The following INF2 variants were observed in gnomAD, a reference collection of about 807,000 sequenced individuals.
The protein encoded by INF2 is inverted formin 2.
In INF2, 43 loss-of-function variants were observed where a neutral mutation model predicts 123.5. The ratio of observed to expected loss-of-function variants is 0.35; its 90% CI spans 0.27 to 0.45. The LOEUF (loss-of-function observed/expected upper bound fraction) is 0.45, where lower values mean the gene tolerates loss of function less well. INF2 is among the 20% of genes least tolerant of loss of function. The pLI, the probability that INF2 is intolerant of heterozygous loss-of-function variation, is 1.00. For missense variants in INF2, 1,453 were observed against 1,682.7 expected (o/e 0.86, Z 2.39); for synonymous variants, 851 against 745.0 (o/e 1.14, Z -2.32).
At chr14:104,698,806 G>A (rs113756269) in intron 1 of INF2, among the ~76,000 whole-genome samples, 6 of 152,264 alleles carry the variant, frequency 3.9e-5, no homozygotes, top group African/African-American at 1.2e-4. Context: ...CTCAGCCTCC[G>A]GGGCCTCAGC....
intron 1 of INF2, chr14:104,700,940 G>A: frequency 2.3e-6 from 2 of 859,792 alleles, no homozygotes; most frequent in Non-Finnish European, 2.8e-6. Context: ...AGCCTCAGAT[G>A]CGCCGTTTTG....
Position 104,713,314 on chromosome 14 carries a change from G to A in INF2, c.2878+5G>A, listed in dbSNP as rs933459786. ...GGGGAGAGGACGGGAAGCCTGGTGA[G>A]GCTGGGCCGGCTGGGCGGGGAGGGG... is the stretch of plus-strand genomic sequence containing the variant. On this transcript the variant is annotated splice_donor_5th_base_variant and intron_variant, in intron 19 of 22. Transcript: ENST00000392634. The A allele has an allele frequency of 3.2e-6, 5 of 1,550,298 alleles. 1 individual carries two copies. In the South Asian group the frequency reaches 5.9e-5, roughly 18 times the overall value.
intron 2 of INF2, among the ~76,000 whole-genome samples, chr14:104,702,721 G>A (rs1889588263): frequency 6.6e-6 from 1 of 152,262 alleles, no homozygotes; most frequent in Non-Finnish European, 1.5e-5. Flanking sequence ...TTCTCAGCAG[G>A]GTCAGATGAG....
At position 104,689,660 on chromosome 14, in the gene INF2, C is replaced by T. The variant is rs1355182026; in HGVS notation, c.-89C>T. On this transcript the variant is annotated 5_prime_UTR_variant, in exon 1 of 23. Transcript: ENST00000392634. Reference sequence around the variant, plus strand: ...GAGCCTTGCGGAGCGCGGCAGTGGGCGCCGGCTGCCCGCAGCCCCTGACCC... The same window carrying T: ...GAGCCTTGCGGAGCGCGGCAGTGGGTGCCGGCTGCCCGCAGCCCCTGACCC... 2.0e-6 allele frequency: 2 copies of T among 982,278 alleles called. No individual in the cohort carries two copies. The highest frequency in any genetic ancestry group is 2.4e-6 in the Non-Finnish European group (2 of 828,030). The allele number at this position is 982,278 out of a possible 1,614,324, so 60.8% of individuals were successfully genotyped here.
At chr14:104,688,540 CG>C (rs555323512), upstream of INF2, among the ~76,000 whole-genome samples, 182 of 152,362 alleles carry the variant, frequency 1.2e-3, 1 homozygote, top group African/African-American at 4.1e-3. Flanking sequence ...ACACTTTATC[CG>C]CATGTTCTTG....
intron 22 of INF2, among the ~76,000 whole-genome samples, chr14:104,718,320 G>A (rs1346069828): frequency 6.6e-6 from 1 of 152,248 alleles, no homozygotes; most frequent in African/African-American, 2.4e-5. Context: ...GCCATGTGTG[G>A]GGGCCGTCTG....
In INF2 at chr14:104,714,671, GGGATGA is replaced by G. The variant is rs1165407043; in HGVS notation, c.3513_3518del (p.Asp1175_Glu1176del). On this transcript the variant is annotated inframe_deletion, in exon 21 of 23. Transcript: ENST00000392634. ...AGACCCCCTGCAGCAGGCCCAGGTG[GGGATGA>G]GGACGAGGACGAGGAGGACACGGCC... 4.3e-6 allele frequency: 7 copies of G among 1,612,168 alleles called. No individual in the cohort carries two copies. In the African/African-American group the frequency reaches 9.3e-5, roughly 22 times the overall value.
intron 19 of INF2, 66 bp downstream of exon 19, chr14:104,713,375 C>G: frequency 6.4e-7 from 1 of 1,567,318 alleles, no homozygotes; most frequent in Non-Finnish European, 8.6e-7. Context: ...TCCAGCCTCC[C>G]CACCACCCCC....
intron 10 of INF2, 134 bp from the exon 11 acceptor site, chr14:104,709,147 G>A (rs1001613087): frequency 5.1e-5 from 35 of 685,998 alleles, no homozygotes; most frequent in Non-Finnish European, 8.2e-5. Flanking sequence ...GCAACAACTC[G>A]ACTGTTCTGT....
rs1310753331 is a variant in INF2, at chr14:104,720,056, A to T, written c.*1263A>T. ...CACCCCAAGAAGTCCTCTCGCACCCATCAGTCCGACCCCTTCCCCGTGCTC... is the reference window on the plus strand; with the variant it reads ...CACCCCAAGAAGTCCTCTCGCACCCTTCAGTCCGACCCCTTCCCCGTGCTC... On this transcript the variant is annotated 3_prime_UTR_variant, in exon 23 of 23. Transcript: ENST00000392634. The T allele has an allele frequency of 6.5e-6, 1 of 152,948 alleles. No homozygotes were observed. Among genetic ancestry groups the T allele is most frequent in the Non-Finnish European group, 1.5e-5 (1 of 68,574 alleles). 9.5% of individuals were successfully genotyped at this position (152,948 alleles called of 1,614,324 possible).
chr14:104,706,906 C>G lies in INF2; in HGVS notation c.844-4C>G, dbSNP rs1236181696. ...TGACCTGCACCCCACACTCGCCCGTCCAGGTGAGCTGCTCCCCGGTGTCTG... is the reference window on the plus strand; with the variant it reads ...TGACCTGCACCCCACACTCGCCCGTGCAGGTGAGCTGCTCCCCGGTGTCTG... On this transcript the variant is annotated splice_polypyrimidine_tract_variant and splice_region_variant and intron_variant, in intron 6 of 22. Coordinates refer to ENST00000392634, the MANE Select transcript of INF2 (RefSeq NM_022489.4). 5.6e-6 allele frequency: 9 copies of G among 1,603,972 alleles called. No homozygotes were observed. The highest frequency in any genetic ancestry group is 2.7e-5 in the African/African-American group (2 of 74,860).
intron 1 of INF2, chr14:104,690,297 G>A (rs1025221963): frequency 2.0e-5 from 3 of 152,308 alleles, no homozygotes; most frequent in Non-Finnish European, 4.4e-5. Flanking sequence ...GGTGGGGTAG[G>A]ATCCAATCCC....
chr14:104,710,288 G>A (rs1318060150), intron 13 of INF2, 100 bp downstream of exon 13: 2 of 807,108 alleles, frequency 2.5e-6, no homozygotes, highest in African/African-American at 3.4e-5. Flanking sequence ...TATCATAATG[G>A]CTGCTAAGAG....
At chr14:104,695,129 C>T (rs1889126037) in intron 1 of INF2, among the ~76,000 whole-genome samples, 2 of 152,126 alleles carry the variant, frequency 1.3e-5, no homozygotes, top group African/African-American at 4.8e-5. Flanking sequence ...CAGCAGACCC[C>T]CTGCAGGGTA....
intron 17 of INF2, 133 bp from the exon 18 acceptor site, chr14:104,712,695 C>A: frequency 6.8e-7 from 1 of 1,480,464 alleles, no homozygotes; most frequent in Non-Finnish European, 9.2e-7. Flanking sequence ...GGGCACAGGC[C>A]CCTGCTCCTT....
At chr14:104,701,001 C>G (rs1033639112) in intron 1 of INF2, 61 of 381,566 alleles carry the variant, frequency 1.6e-4, no homozygotes, top group South Asian at 2.1e-4. Flanking sequence ...TCCCGCTCCC[C>G]CGAGTCCTCC....
chr14:104,710,550 CAT>C (rs1203978704), intron 13 of INF2, among the ~76,000 whole-genome samples: 1 of 152,020 alleles, frequency 6.6e-6, no homozygotes, highest in African/African-American at 2.4e-5. Flanking sequence ...CAGTCACACA[CAT>C]GCACACAGGA....
chr14:104,703,504 A>G (rs751973466), intron 4 of INF2, 50 bp downstream of exon 4: 1 of 1,600,106 alleles, frequency 6.2e-7, no homozygotes, highest in South Asian at 1.1e-5. Context: ...CCTCTTGGCC[A>G]GTGCATCCCA....
intron 1 of INF2, among the ~76,000 whole-genome samples, chr14:104,694,875 TG>T (rs1889114578): frequency 6.6e-6 from 1 of 151,838 alleles, no homozygotes. Context: ...ACAGGCAGGG[TG>T]GGGGCTGGAC....
Sources: allele counts gnomAD v4.1 joint callset (sites outside exome capture counted in the v4.1 genomes callset), GRCh38; gene constraint gnomAD v4.1.1; transcripts MANE v1.5; gene names NCBI Gene and HGNC (gene_info 2026-07-23, HGNC 2026-07-21).